Variants in MAPT observed in about 807,000 individuals in gnomAD.
MAPT encodes microtubule associated protein tau.
In MAPT, 34 loss-of-function variants were observed where a neutral mutation model predicts 67.9. The ratio of observed to expected loss-of-function variants is 0.50; its 90% CI spans 0.38 to 0.67. The LOEUF is 0.67. Ranked by LOEUF, MAPT falls within the 30% of genes least tolerant of loss-of-function variation. The probability of loss-of-function intolerance (pLI) is 0.00; values close to 1 mark genes in which losing one functional copy is unlikely to be tolerated. For synonymous variants in MAPT, 456 were observed against 464.5 expected (o/e 0.98, Z 0.23); for missense variants, 881 against 1,115.2 (o/e 0.79, Z 2.99).
intron 1 of MAPT, among the ~76,000 whole-genome samples, chr17:45,946,615 A>AAAAAT: frequency 3.0e-5 from 3 of 100,408 alleles, no homozygotes; most frequent in African/African-American, 1.3e-4. Flanking sequence ...AAAAAAAAAA[A>AAAAAT]ATATATATAT....
chr17:45,983,808 C>G lies in MAPT; in HGVS notation c.1229C>G (p.Pro410Arg). Residue 410 changes from proline (P) to arginine (R), a missense_variant, in exon 5 of 13, where the codon CCA becomes CGA. Coordinates refer to ENST00000262410, the MANE Select transcript of MAPT (RefSeq NM_001377265.1). ...AAFPGAPGEG[P>R]EARGPSLGED... The stretch of plus-strand genomic sequence containing the variant: ...TTTCCAGGGGCCCCTGGAGAGGGGC[C>G]AGAGGCCCGGGGCCCCTCTTTGGGA... 1 of 1,613,446 alleles carries G rather than the reference C, an allele frequency of 6.2e-7. No individual in the cohort carries two copies.
chr17:45,929,240 C>G (rs1236025995), intron 1 of MAPT, among the ~76,000 whole-genome samples: 1 of 152,138 alleles, frequency 6.6e-6, no homozygotes, highest in Non-Finnish European at 1.5e-5. Flanking sequence ...TGTCATACAC[C>G]TTACATGGGG....
chr17:45,930,128 G>A (rs373066346), intron 1 of MAPT, among the ~76,000 whole-genome samples: 1 of 152,260 alleles, frequency 6.6e-6, no homozygotes, highest in Non-Finnish European at 1.5e-5. Context: ...AGATGGGTGC[G>A]GTGGCTCATG....
At chr17:45,913,981 C>A (rs953422376) in intron 1 of MAPT, among the ~76,000 whole-genome samples, 5 of 152,112 alleles carry the variant, frequency 3.3e-5, no homozygotes, top group African/African-American at 1.2e-4. Flanking sequence ...AGTACTAGGA[C>A]AGCCCAGCAT....
intron 6 of MAPT, among the ~76,000 whole-genome samples, chr17:45,989,509 G>A (rs1298069809): frequency 6.8e-6 from 1 of 146,870 alleles, no homozygotes; most frequent in Non-Finnish European, 1.5e-5. Context: ...AAACGAGCCG[G>A]GCGTGGTGGT....
Position 45,946,670 on chromosome 17 carries a change from G to A in MAPT, c.-17-15651G>A, listed in dbSNP as rs1243295364. 4.3e-5 allele frequency among the ~76,000 whole-genome samples: 6 copies of A among 138,926 alleles called. No individual in the cohort carries two copies. The Admixed American group carries it at 4.5e-4, about 10-fold the overall frequency. 91.1% of individuals were successfully genotyped at this position (138,926 alleles called of 152,430 possible). ...AAATGGGGTAGTTTTTAGATCTATA[G>A]TAGTTCTAAAAACAAAGGCCATCCA... On this transcript the variant is annotated intron_variant, in intron 1 of 12. Transcript: ENST00000262410.
chr17:46,011,475 G>A (rs1235126240), intron 10 of MAPT, among the ~76,000 whole-genome samples: 2 of 152,172 alleles, frequency 1.3e-5, no homozygotes, highest in African/African-American at 2.4e-5. Context: ...TGCATCTTCT[G>A]TGGAGTGTCT....
intron 1 of MAPT, among the ~76,000 whole-genome samples, chr17:45,950,256 C>T (rs2068926526): frequency 6.6e-6 from 1 of 152,176 alleles, no homozygotes; most frequent in South Asian, 2.1e-4. Flanking sequence ...CGCAGCATTC[C>T]CCAGTGATGC....
Position 46,010,526 on chromosome 17 carries a change from G to A in MAPT, c.2091+124G>A, listed in dbSNP as rs2075753340. ...CTTCTTGGGCTCTCAGGATCTGGCT[G>A]CGACCTCTGGGTGAATGTAGCCCGG... On this transcript the variant is annotated intron_variant, in intron 10 of 12. Transcript: ENST00000262410. The surrounding 1 kb of genome is among the most constrained non-coding windows in gnomAD (Gnocchi z 4.7). The A allele has an allele frequency of 1.3e-6, 1 of 766,130 alleles. No individual in the cohort carries two copies. The highest frequency in any genetic ancestry group is 2.0e-5 in the Admixed American group (1 of 49,988). 47.5% of individuals were successfully genotyped at this position (766,130 alleles called of 1,614,324 possible). A position where few individuals can be genotyped will look rare whatever the true frequency, so the allele number is the denominator to read the frequency against.
intron 9 of MAPT, chr17:45,999,562 T>G: frequency 6.2e-7 from 1 of 1,612,968 alleles, no homozygotes. Flanking sequence ...AAGACAACTT[T>G]CCATTGAAGG....
At chr17:45,957,476 C>T (rs776686950) in intron 1 of MAPT, among the ~76,000 whole-genome samples, 11 of 152,208 alleles carry the variant, frequency 7.2e-5, no homozygotes, top group Non-Finnish European at 1.3e-4. Context: ...GGAAATGGCT[C>T]TCCTGTTCAT....
Position 45,906,589 on chromosome 17 carries a change from A to C in MAPT, c.-18+11903A>C, listed in dbSNP as rs1015505518. On this transcript the variant is annotated intron_variant, in intron 1 of 12. Transcript: ENST00000262410. The surrounding 1 kb of genome is among the most constrained non-coding windows in gnomAD (Gnocchi z 4.3). Reference sequence around the variant, plus strand: ...CCCTGTAAATGGAGGGTTTCTCCGGAGCGTGGATGGTGGGAGGTATTTCAG... The same window carrying C: ...CCCTGTAAATGGAGGGTTTCTCCGGCGCGTGGATGGTGGGAGGTATTTCAG... Among the ~76,000 whole-genome samples the C allele has an allele frequency of 5.3e-5, 8 of 152,086 alleles. No individual in the cohort carries two copies. Among genetic ancestry groups the C allele is most frequent in the Admixed American group, 2.6e-4 (4 of 15,270 alleles).
intron 1 of MAPT, among the ~76,000 whole-genome samples, chr17:45,920,866 C>A (rs1021977221): frequency 6.6e-6 from 1 of 152,214 alleles, no homozygotes; most frequent in Non-Finnish European, 1.5e-5. Context: ...CGGCATGGAA[C>A]CTTCACCCAC....
chr17:46,020,258 T>G (rs1463787283), intron 12 of MAPT, among the ~76,000 whole-genome samples: 1 of 152,146 alleles, frequency 6.6e-6, no homozygotes, highest in Non-Finnish European at 1.5e-5. Context: ...GGCCTTGGTG[T>G]CCCCAGCAGT....
At chr17:45,944,645 G>A (rs2068303633) in intron 1 of MAPT, among the ~76,000 whole-genome samples, 1 of 152,222 alleles carries the variant, frequency 6.6e-6, no homozygotes, top group Non-Finnish European at 1.5e-5. Context: ...GGCCAAGGCA[G>A]TGCATCGTTC....
chr17:45,903,284 C>T (rs2063738212), intron 1 of MAPT, among the ~76,000 whole-genome samples: 1 of 152,168 alleles, frequency 6.6e-6, no homozygotes, highest in Non-Finnish European at 1.5e-5. Context: ...GGATCCAGTT[C>T]TGCCATTGAT....
chr17:45,983,820 G>T lies in MAPT; in HGVS notation c.1241G>T (p.Gly414Val). The T allele has an allele frequency of 6.2e-7, 1 of 1,613,056 alleles. No individual in the cohort carries two copies. The highest frequency in any genetic ancestry group is 1.1e-5 in the South Asian group (1 of 91,066). The change falls in exon 5 of 13, where the codon GGC becomes GTC. Residue 414 changes from glycine (G) to valine (V), a missense_variant. By Grantham distance (109) the Gly-to-Val change is moderately radical. Transcript: ENST00000262410. ...GAPGEGPEAR[G>V]PSLGEDTKEA... is the part of the protein sequence containing the mutation. ...CCTGGAGAGGGGCCAGAGGCCCGGGGCCCCTCTTTGGGAGAGGACACAAAA... is the reference window on the plus strand; with the variant it reads ...CCTGGAGAGGGGCCAGAGGCCCGGGTCCCCTCTTTGGGAGAGGACACAAAA...
In MAPT at chr17:45,995,362, C is replaced by T. The variant is rs1329237328; in HGVS notation, c.1733-1037C>T. Among the ~76,000 whole-genome samples the T allele has an allele frequency of 6.6e-6, 1 of 152,152 alleles. No homozygotes were observed. The highest frequency in any genetic ancestry group is 1.9e-4 in the East Asian group (1 of 5,196). ...AAAAATGAGGCTTTGCAGGTCCCACCCCTAGAGATTCTGCTCTATCCACTC... is the reference window on the plus strand; with the variant it reads ...AAAAATGAGGCTTTGCAGGTCCCACTCCTAGAGATTCTGCTCTATCCACTC... On this transcript the variant is annotated intron_variant, in intron 8 of 12. Coordinates refer to ENST00000262410, the MANE Select transcript of MAPT (RefSeq NM_001377265.1). This position sits in a 1 kb window ranked among gnomAD's most constrained non-coding sequence, Gnocchi z 4.3.
chr17:45,956,575 TATATATATATATATATATATA>T (rs1568230663), intron 1 of MAPT, among the ~76,000 whole-genome samples: 21 of 4,770 alleles, frequency 4.4e-3, no homozygotes, highest in Non-Finnish European at 7.1e-3. Flanking sequence ...TATATATATA[TATATATATATATATATATATA>T]TATATTTTTT....
Sources: allele counts gnomAD v4.1 joint callset (sites outside exome capture counted in the v4.1 genomes callset), GRCh38; gene constraint gnomAD v4.1.1; non-coding constraint Gnocchi (gnomAD v3.1); transcripts MANE v1.5; gene names NCBI Gene and HGNC (gene_info 2026-07-23, HGNC 2026-07-21).